The following NXPH1 variants were observed in gnomAD, a reference collection of about 807,000 sequenced individuals.
NXPH1 encodes neurexophilin-1.
A neutral mutation model predicts 23.7 loss-of-function variants in NXPH1; 5 were observed. That is an observed-to-expected ratio of 0.21 (90% confidence interval 0.11 to 0.44). The LOEUF is 0.44. NXPH1 is among the 20% of genes least tolerant of loss of function. The pLI, the probability that NXPH1 is intolerant of heterozygous loss-of-function variation, is 0.99. For synonymous variants in NXPH1, 144 were observed against 122.2 expected (o/e 1.18, Z -1.18); for missense variants, 324 against 321.6 (o/e 1.01, Z -0.06).
chr7:8,718,923 T>C (rs1268760730), intron 2 of NXPH1, among the ~76,000 whole-genome samples: 1 of 152,294 alleles, frequency 6.6e-6, no homozygotes, highest in African/African-American at 2.4e-5. Context: ...CAGGGTACAG[T>C]CTGCAACACA....
chr7:8,681,130 A>G (rs1036771474), intron 2 of NXPH1, among the ~76,000 whole-genome samples: 1 of 152,232 alleles, frequency 6.6e-6, no homozygotes. Flanking sequence ...ACATAGTTAG[A>G]TAAGTAGATA....
At chr7:8,724,205 A>G (rs1423919822) in intron 2 of NXPH1, among the ~76,000 whole-genome samples, 2 of 152,136 alleles carry the variant, frequency 1.3e-5, no homozygotes, top group Non-Finnish European at 2.9e-5. Flanking sequence ...GTTCCTGTCC[A>G]TCTTTTTTCA....
chr7:8,583,848 T>C (rs746555592), intron 2 of NXPH1, among the ~76,000 whole-genome samples: 6 of 152,200 alleles, frequency 3.9e-5, no homozygotes, highest in Non-Finnish European at 8.8e-5. Flanking sequence ...TAGCAAGTTA[T>C]TCTTTCATGC....
intron 2 of NXPH1, among the ~76,000 whole-genome samples, chr7:8,632,271 C>A (rs922378150): frequency 6.6e-6 from 1 of 152,012 alleles, no homozygotes; most frequent in African/African-American, 2.4e-5. Flanking sequence ...TAGCTTGAAG[C>A]AAGATTGAAG....
At chr7:8,632,035 T>C (rs1412012167) in intron 2 of NXPH1, among the ~76,000 whole-genome samples, 6 of 152,162 alleles carry the variant, frequency 3.9e-5, no homozygotes, top group African/African-American at 7.2e-5. Context: ...AGCTAAAATA[T>C]TGATAAAGAT....
At chr7:8,668,373 A>C (rs1245252316) in intron 2 of NXPH1, among the ~76,000 whole-genome samples, 1 of 151,778 alleles carries the variant, frequency 6.6e-6, no homozygotes, top group Non-Finnish European at 1.5e-5. Flanking sequence ...ACCCTTCAGC[A>C]ATCAGCCCAT....
chr7:8,534,981 A>G (rs747428024), intron 2 of NXPH1, among the ~76,000 whole-genome samples: 2 of 152,066 alleles, frequency 1.3e-5, no homozygotes, highest in African/African-American at 2.4e-5. Context: ...AAAAGAAAAA[A>G]CCCAGTACCT....
chr7:8,670,839 G>A (rs1032468225), intron 2 of NXPH1, among the ~76,000 whole-genome samples: 6 of 152,298 alleles, frequency 3.9e-5, no homozygotes, highest in Non-Finnish European at 5.9e-5. Flanking sequence ...AGGATTTGTG[G>A]TCTGGAAGGT....
At chr7:8,574,198 A>G (rs1818706886) in intron 2 of NXPH1, among the ~76,000 whole-genome samples, 1 of 152,152 alleles carries the variant, frequency 6.6e-6, no homozygotes, top group Non-Finnish European at 1.5e-5. Flanking sequence ...TATGACATGA[A>G]ATATTCATCT....
chr7:8,470,126 G>A (rs1037747916), intron 2 of NXPH1, among the ~76,000 whole-genome samples: 3 of 152,068 alleles, frequency 2.0e-5, no homozygotes, highest in Non-Finnish European at 4.4e-5. Flanking sequence ...AGTACTTTTG[G>A]GCTGAGTTTA....
chr7:8,715,099 C>A (rs1208368395), intron 2 of NXPH1, among the ~76,000 whole-genome samples: 1 of 152,156 alleles, frequency 6.6e-6, no homozygotes, highest in Non-Finnish European at 1.5e-5. Flanking sequence ...GGTGGTGAGG[C>A]TTGCTGAAAC....
intron 2 of NXPH1, among the ~76,000 whole-genome samples, chr7:8,697,544 A>C (rs898518069): frequency 1.3e-5 from 2 of 152,202 alleles, no homozygotes; most frequent in Admixed American, 1.3e-4. Flanking sequence ...GAGTATTGTC[A>C]GAGATTTTAA....
intron 2 of NXPH1, among the ~76,000 whole-genome samples, chr7:8,717,688 A>G (rs1180172444): frequency 3.9e-5 from 6 of 152,278 alleles, no homozygotes; most frequent in Middle Eastern, 3.4e-3. Context: ...CATCTAAGAG[A>G]TGCTAGCTCC....
chr7:8,541,300 A>G (rs1818113441), intron 2 of NXPH1, among the ~76,000 whole-genome samples: 1 of 151,734 alleles, frequency 6.6e-6, no homozygotes, highest in South Asian at 2.1e-4. Context: ...AATGAAACAC[A>G]AGAGAAAAGA....
intron 2 of NXPH1, among the ~76,000 whole-genome samples, chr7:8,576,767 C>G (rs1818763708): frequency 6.6e-6 from 1 of 152,016 alleles, no homozygotes; most frequent in Admixed American, 6.6e-5. Context: ...TTGACTTGTT[C>G]CTTGTACTGA....
At position 8,723,085 on chromosome 7, in the gene NXPH1, C is replaced by G. The variant is rs1779995105; in HGVS notation, c.55-27923C>G. ...AACACTTTTACAGCTCTATTTTAAACCGTTGCAAACATACCCATAAAATTG... is the reference window on the plus strand; with the variant it reads ...AACACTTTTACAGCTCTATTTTAAAGCGTTGCAAACATACCCATAAAATTG... On this transcript the variant is annotated intron_variant, in intron 2 of 2. Transcript: ENST00000405863. Among the ~76,000 whole-genome samples the G allele has an allele frequency of 2.6e-5, 4 of 152,158 alleles. No individual in the cohort carries two copies. The South Asian group carries it at 8.3e-4, about 31-fold the overall frequency.
chr7:8,751,501 T>C lies in NXPH1; in HGVS notation c.548T>C (p.Val183Ala), dbSNP rs2115236810. ...IVEFDLAQQT[V>A]IDAKDSKSFN... ...GAATTTGACTTGGCACAACAAACCG[T>C]GATTGATGCCAAAGATTCCAAGTCT... The change falls in exon 3 of 3, where the codon GTG becomes GCG. Residue 183 changes from valine (V) to alanine (A), a missense_variant. Transcript: ENST00000405863. The surrounding 1 kb of genome is among the most constrained non-coding windows in gnomAD (Gnocchi z 4.5). The C allele has an allele frequency of 1.2e-6, 2 of 1,613,698 alleles. No homozygotes were observed. The highest frequency in any genetic ancestry group is 2.2e-5 in the East Asian group (1 of 44,870).
At chr7:8,709,015 C>A (rs994406283) in intron 2 of NXPH1, among the ~76,000 whole-genome samples, 1 of 151,992 alleles carries the variant, frequency 6.6e-6, no homozygotes, top group South Asian at 2.1e-4. Context: ...AAATAGTGTC[C>A]TTTTTATGAG....
At chr7:8,639,979 A>G (rs76930197) in intron 2 of NXPH1, among the ~76,000 whole-genome samples, 7,432 of 152,242 alleles carry the variant, frequency 0.049, 385 homozygotes, top group East Asian at 0.17. Context: ...GCTTCTGTTA[A>G]TTGGTTGATC....
Sources: gnomAD v4.1 joint callset for allele counts (sites outside exome capture counted in the v4.1 genomes callset) on GRCh38, gnomAD v4.1.1 for gene constraint, Gnocchi (gnomAD v3.1) non-coding constraint, MANE v1.5 for transcripts, NCBI Gene and HGNC (gene_info 2026-07-23, HGNC 2026-07-21) for gene names.